CMTM8: variants seen among roughly 807,000 people sequenced by gnomAD.
CMTM8 encodes CKLF-like MARVEL transmembrane domain-containing protein 8.
CMTM8 carries 12 observed loss-of-function variants against 18.6 expected under a neutral mutation model. The ratio of observed to expected loss-of-function variants is 0.65; its 90% CI spans 0.41 to 1.05. The LOEUF (loss-of-function observed/expected upper bound fraction) is 1.05, where lower values mean the gene tolerates loss of function less well. CMTM8 is among the 50% of genes least tolerant of loss of function. CMTM8 has a pLI of 0.00. For missense variants in CMTM8, 217 were observed against 227.2 expected, an observed-to-expected ratio of 0.95 and a Z score of 0.29; for synonymous variants, 87 against 90.6, an observed-to-expected ratio of 0.96 and a Z score of 0.23.
intron 1 of CMTM8, among the ~76,000 whole-genome samples, chr3:32,326,515 C>CTTTT (rs58555396): frequency 2.0e-3 from 222 of 113,308 alleles, no homozygotes; most frequent in African/African-American, 2.2e-3. Context: ...TTCTTTCTTT[C>CTTTT]TTTTTTTTTT....
intron 1 of CMTM8, among the ~76,000 whole-genome samples, chr3:32,255,007 T>C (rs1702158990): frequency 6.6e-6 from 1 of 152,216 alleles, no homozygotes; most frequent in South Asian, 2.1e-4. Flanking sequence ...GGGAGTCCTA[T>C]AATATATGGT....
intron 1 of CMTM8, among the ~76,000 whole-genome samples, chr3:32,313,042 T>C (rs1695850017): frequency 6.6e-6 from 1 of 152,088 alleles, no homozygotes; most frequent in Admixed American, 6.5e-5. Flanking sequence ...TATATCTTAT[T>C]ATATCACAGT....
chr3:32,254,972 G>C (rs572498317), intron 1 of CMTM8, among the ~76,000 whole-genome samples: 8 of 152,142 alleles, frequency 5.3e-5, no homozygotes, highest in African/African-American at 1.7e-4. Flanking sequence ...CTATAAATTT[G>C]CCTATTTTGG....
At chr3:32,281,244 A>G (rs1182036696) in intron 1 of CMTM8, among the ~76,000 whole-genome samples, 4 of 152,150 alleles carry the variant, frequency 2.6e-5, no homozygotes, top group Non-Finnish European at 4.4e-5. Context: ...ACCTGAAAAT[A>G]TTTCTCTTAC....
At chr3:32,368,091 G>A (rs2125606526) in intron 3 of CMTM8, 103 bp downstream of exon 3, 1 of 802,216 alleles carries the variant, frequency 1.2e-6, no homozygotes, top group Non-Finnish European at 2.1e-6. Flanking sequence ...AGCGCTTGCA[G>A]TAGTGACAAA....
At chr3:32,299,954 ACTGTAGGTG>A (rs1222629581) in intron 1 of CMTM8, among the ~76,000 whole-genome samples, 2 of 152,238 alleles carry the variant, frequency 1.3e-5, no homozygotes, top group South Asian at 2.1e-4. Flanking sequence ...GGATACAGCC[ACTGTAGGTG>A]CTGAAAAGGG....
At chr3:32,267,297 C>T (rs1158523409) in intron 1 of CMTM8, among the ~76,000 whole-genome samples, 1 of 152,126 alleles carries the variant, frequency 6.6e-6, no homozygotes, top group East Asian at 1.9e-4. Context: ...AATAATGCCA[C>T]ACATCTACAA....
chr3:32,339,777 C>T (rs140230520), intron 1 of CMTM8, among the ~76,000 whole-genome samples: 2,911 of 152,202 alleles, frequency 0.019, 92 homozygotes, highest in African/African-American at 0.065. Context: ...TCCTGGCTAA[C>T]ACAGAGAAAC....
chr3:32,367,504 G>A (rs1417640650), intron 2 of CMTM8, among the ~76,000 whole-genome samples: 3 of 152,164 alleles, frequency 2.0e-5, no homozygotes, highest in Non-Finnish European at 4.4e-5. Context: ...TGCGGCTGAG[G>A]GCCAGGGGCT....
chr3:32,328,559 A>C (rs1475165000), intron 1 of CMTM8, among the ~76,000 whole-genome samples: 1 of 151,816 alleles, frequency 6.6e-6, no homozygotes, highest in East Asian at 1.9e-4. Context: ...GAAAAAAAAA[A>C]AAAAAGCAAC....
At chr3:32,250,118 A>G (rs941484814) in intron 1 of CMTM8, among the ~76,000 whole-genome samples, 1 of 152,192 alleles carries the variant, frequency 6.6e-6, no homozygotes, top group Admixed American at 6.5e-5. Context: ...AGCACCATTT[A>G]TTAAAAGACT....
At chr3:32,269,789 G>A (rs1451841276) in intron 1 of CMTM8, among the ~76,000 whole-genome samples, 6 of 152,106 alleles carry the variant, frequency 3.9e-5, no homozygotes, top group African/African-American at 1.4e-4. Context: ...CAATTTATTT[G>A]TTTTAAGAGA....
At chr3:32,297,418 G>A (rs1702900336) in intron 1 of CMTM8, among the ~76,000 whole-genome samples, 1 of 152,204 alleles carries the variant, frequency 6.6e-6, no homozygotes, top group African/African-American at 2.4e-5. Context: ...GACCTCAGGT[G>A]ATCCACCCAC....
At chr3:32,307,611 G>A (rs1300258764) in intron 1 of CMTM8, among the ~76,000 whole-genome samples, 1 of 152,170 alleles carries the variant, frequency 6.6e-6, no homozygotes, top group African/African-American at 2.4e-5. Flanking sequence ...AGCTTGAAGA[G>A]AAGTCGAGGT....
chr3:32,337,634 A>C (rs1428990259), intron 1 of CMTM8, among the ~76,000 whole-genome samples: 1 of 152,182 alleles, frequency 6.6e-6, no homozygotes, highest in Non-Finnish European at 1.5e-5. Context: ...GAGGGAAGAA[A>C]ATAGGGCTTC....
chr3:32,265,883 A>T (rs1338372168), intron 1 of CMTM8, among the ~76,000 whole-genome samples: 2 of 152,186 alleles, frequency 1.3e-5, no homozygotes, highest in Non-Finnish European at 2.9e-5. Flanking sequence ...GGACACATAC[A>T]CCCTCCCAAG....
intron 1 of CMTM8, chr3:32,259,261 G>A (rs911823020): frequency 1.3e-5 from 8 of 619,336 alleles, no homozygotes; most frequent in African/African-American, 3.6e-5. Context: ...CCTGGAGACC[G>A]TGAACTGGAG....
At chr3:32,284,848 G>A (rs60950574) in intron 1 of CMTM8, among the ~76,000 whole-genome samples, 1,949 of 152,282 alleles carry the variant, frequency 0.013, 46 homozygotes, top group African/African-American at 0.045. Flanking sequence ...TCATGTGGGC[G>A]ATTATATTAG....
chr3:32,305,806 G>A (rs146438201), intron 1 of CMTM8, among the ~76,000 whole-genome samples: 9 of 152,214 alleles, frequency 5.9e-5, no homozygotes, highest in East Asian at 1.9e-4. Flanking sequence ...AACCATATTC[G>A]TGGGTTAAAT....
Sources: gnomAD v4.1 joint callset for allele counts (sites outside exome capture counted in the v4.1 genomes callset) on GRCh38, gnomAD v4.1.1 for gene constraint, MANE v1.5 for transcripts, NCBI Gene and HGNC (gene_info 2026-07-23, HGNC 2026-07-21) for gene names.